The following TRPC4 variants were observed in gnomAD, a reference collection of about 807,000 sequenced individuals.
TRPC4 encodes the protein transient receptor potential cation channel subfamily C member 4, also known as short transient receptor potential channel 4.
Under a neutral mutation model 99.4 loss-of-function variants are expected in TRPC4, and 49 were observed. The observed-to-expected ratio is 0.49, with a 90% CI of 0.39 to 0.63. The LOEUF (loss-of-function observed/expected upper bound fraction) is 0.63, where lower values mean the gene tolerates loss of function less well. Among genes scored for constraint, TRPC4 ranks in the 20% least tolerant of loss-of-function variants. The pLI is 0.00. For synonymous variants in TRPC4, 454 were observed against 425.9 expected (o/e 1.07, Z -0.81); for missense variants, 898 against 1,152.9 (o/e 0.78, Z 3.20).
chr13:37,663,886 A>G (rs1952542126), intron 5 of TRPC4, among the ~76,000 whole-genome samples, 157 bp from the exon 6 acceptor site: 5 of 152,248 alleles, frequency 3.3e-5, no homozygotes, highest in Admixed American at 3.3e-4. Context: ...AGAGGAACAC[A>G]TGTAGGATAC....
intron 2 of TRPC4, among the ~76,000 whole-genome samples, chr13:37,752,375 A>G (rs916968692): frequency 2.6e-5 from 4 of 151,782 alleles, no homozygotes; most frequent in Non-Finnish European, 5.9e-5. Flanking sequence ...CACATGACAC[A>G]TCGATTTATT....
chr13:37,754,467 T>C (rs988621360), intron 2 of TRPC4, among the ~76,000 whole-genome samples: 1 of 152,154 alleles, frequency 6.6e-6, no homozygotes, highest in African/African-American at 2.4e-5. Context: ...GTAAAATCTA[T>C]AGACATAAAG....
intron 5 of TRPC4, among the ~76,000 whole-genome samples, chr13:37,666,228 G>T (rs866874359): frequency 2.6e-5 from 4 of 152,120 alleles, no homozygotes; most frequent in African/African-American, 9.7e-5. Context: ...GGAAAGACAG[G>T]CAGCTGGCTC....
chr13:37,696,138 G>C (rs1202407348), intron 3 of TRPC4, among the ~76,000 whole-genome samples: 1 of 152,160 alleles, frequency 6.6e-6, no homozygotes, highest in African/African-American at 2.4e-5. Flanking sequence ...GACAAAAGAA[G>C]AGCGCTTGTG....
At chr13:37,682,822 T>A (rs555046975) in intron 4 of TRPC4, among the ~76,000 whole-genome samples, 1 of 151,990 alleles carries the variant, frequency 6.6e-6, no homozygotes, top group South Asian at 2.1e-4. Context: ...GCATTATATC[T>A]CACTGCATCC....
chr13:37,768,437 A>G (rs73168486), intron 2 of TRPC4, among the ~76,000 whole-genome samples: 15,136 of 151,464 alleles, frequency 0.1, 1,106 homozygotes, highest in African/African-American at 0.21. Flanking sequence ...TTCCTGATGG[A>G]ATGATGGCTT....
At chr13:37,696,142 G>A (rs1483656863) in intron 3 of TRPC4, among the ~76,000 whole-genome samples, 4 of 152,086 alleles carry the variant, frequency 2.6e-5, no homozygotes, top group East Asian at 1.9e-4. Flanking sequence ...AAAGAAGAGC[G>A]CTTGTGCAGG....
At chr13:37,648,817 G>C (rs1951929944) in intron 8 of TRPC4, among the ~76,000 whole-genome samples, 1 of 152,176 alleles carries the variant, frequency 6.6e-6, no homozygotes. Context: ...AGGATAGGAG[G>C]GAGGGTTGGA....
intron 2 of TRPC4, among the ~76,000 whole-genome samples, chr13:37,751,675 T>C (rs2139191819): frequency 6.6e-6 from 1 of 152,224 alleles, no homozygotes; most frequent in East Asian, 1.9e-4. Flanking sequence ...GATTCAATAA[T>C]TTATTCATAT....
rs1369068462 is a variant in TRPC4 at position 37,663,473 on chromosome 13, G to A, written c.1631C>T (p.Thr544Met). The change falls in exon 6 of 11, where the codon ACG becomes ATG. Residue 544 changes from threonine (T) to methionine (M), a missense_variant. Physicochemically the swap from Thr to Met is moderately conservative, Grantham distance 81. Coordinates refer to ENST00000379705, the MANE Select transcript of TRPC4 (RefSeq NM_016179.4). ...LNQLYFYYEE[T>M]KGLTCKGIRC... ...TATGCCTTTGCAGGTTAACCCTTTC[G>A]TTTCTTCATAATAGAAGTACAATTG... 3 of 1,614,068 alleles carry A rather than the reference G, an allele frequency of 1.9e-6. No individual in the cohort carries two copies. The highest frequency in any genetic ancestry group is 3.3e-5 in the Admixed American group (2 of 60,022).
At chr13:37,720,717 AT>A (rs1224110734) in intron 3 of TRPC4, among the ~76,000 whole-genome samples, 1 of 151,978 alleles carries the variant, frequency 6.6e-6, no homozygotes, top group Non-Finnish European at 1.5e-5. Context: ...GAGTATATTT[AT>A]TTTTCATTTT....
In TRPC4 at chr13:37,812,233, G is replaced by A. The variant is rs540328587; in HGVS notation, c.-27-28873C>T. On this transcript the variant is annotated intron_variant, in intron 1 of 10. Transcript: ENST00000379705. ...ATTGCTTCAAGTAAATTAACTGAGC[G>A]ATAGAACATAACTCAAGATTATTTA... Among the ~76,000 whole-genome samples the A allele has an allele frequency of 2.7e-4, 37 of 135,250 alleles. No individual in the cohort carries two copies. In the East Asian group the frequency reaches 5.9e-3, roughly 22 times the overall value. 88.7% of individuals were successfully genotyped at this position (135,250 alleles called of 152,430 possible). A position where few individuals can be genotyped will look rare whatever the true frequency, so the allele number is the denominator to read the frequency against.
At chr13:37,821,159 C>T (rs1266988756) in intron 1 of TRPC4, among the ~76,000 whole-genome samples, 1 of 148,434 alleles carries the variant, frequency 6.7e-6, no homozygotes, top group Non-Finnish European at 1.5e-5. Context: ...AACTGAAAGC[C>T]AAATCATGAA....
intron 4 of TRPC4, among the ~76,000 whole-genome samples, chr13:37,677,648 A>G (rs1273959818): frequency 6.6e-6 from 1 of 152,292 alleles, no homozygotes; most frequent in East Asian, 1.9e-4. Context: ...AAAGAACCCT[A>G]TAATACAAGA....
chr13:37,674,125 G>T, intron 5 of TRPC4, 103 bp downstream of exon 5: 1 of 1,145,218 alleles, frequency 8.7e-7, no homozygotes, highest in Non-Finnish European at 1.2e-6. Context: ...TACGACATCC[G>T]GAAAAAGCTC....
At chr13:37,818,978 A>T (rs1460167992) in intron 1 of TRPC4, among the ~76,000 whole-genome samples, 2 of 151,940 alleles carry the variant, frequency 1.3e-5, no homozygotes, top group Non-Finnish European at 2.9e-5. Flanking sequence ...GCCAACAAGC[A>T]TATGAAAAAA....
intron 1 of TRPC4, among the ~76,000 whole-genome samples, chr13:37,790,207 G>A (rs1185354542): frequency 6.6e-6 from 1 of 152,018 alleles, no homozygotes; most frequent in Non-Finnish European, 1.5e-5. Context: ...AAGTAAAAAT[G>A]AAATAATAGA....
intron 2 of TRPC4, among the ~76,000 whole-genome samples, chr13:37,778,696 A>G (rs1254942033): frequency 6.6e-6 from 1 of 152,010 alleles, no homozygotes; most frequent in Non-Finnish European, 1.5e-5. Flanking sequence ...TTCACTGTTT[A>G]TAATGTATAG....
chr13:37,767,848 T>C (rs117227673), intron 2 of TRPC4, among the ~76,000 whole-genome samples: 10,299 of 151,442 alleles, frequency 0.068, 440 homozygotes, highest in Non-Finnish European at 0.091. Context: ...ATTATGTAGC[T>C]AGTGGAAGAA....
Sources: allele counts gnomAD v4.1 joint callset (sites outside exome capture counted in the v4.1 genomes callset), GRCh38; gene constraint gnomAD v4.1.1; transcripts MANE v1.5; gene names NCBI Gene and HGNC (gene_info 2026-07-23, HGNC 2026-07-21).